RBFOX3: variants seen among roughly 807,000 people sequenced by gnomAD.
RBFOX3 encodes RNA binding protein fox-1 homolog 3.
In RBFOX3, 17 loss-of-function variants were observed where a neutral mutation model predicts 48.7. The observed-to-expected ratio is 0.35, with a 90% CI of 0.24 to 0.52. RBFOX3 has a LOEUF of 0.52. RBFOX3 is among the 20% of genes least tolerant of loss of function. RBFOX3 has a pLI of 0.94. For missense variants in RBFOX3, 382 were observed against 497.5 expected, an observed-to-expected ratio of 0.77 and a Z score of 2.21; for synonymous variants, 212 against 209.5, an observed-to-expected ratio of 1.01 and a Z score of -0.10.
At chr17:79,316,344 T>A (rs2077540067) in intron 2 of RBFOX3, among the ~76,000 whole-genome samples, 1 of 152,116 alleles carries the variant, frequency 6.6e-6, no homozygotes, top group Admixed American at 6.5e-5. Flanking sequence ...CAGGCCAGCA[T>A]GTAGATGGGG....
chr17:79,576,598 T>C (rs1410897707), intron 1 of RBFOX3, among the ~76,000 whole-genome samples: 1 of 150,354 alleles, frequency 6.7e-6, no homozygotes, highest in Non-Finnish European at 1.5e-5. Flanking sequence ...ATGAAGAAGA[T>C]GATGGACAGG....
rs1454130306 is a variant in RBFOX3, at chr17:79,364,739, A to G, written c.-174-56915T>C. Reference sequence around the variant, plus strand: ...TGGGGCTGGGGACCTAGAGGAACACATTATAGCCCATCCAGCACAGCCTCC... The same window carrying G: ...TGGGGCTGGGGACCTAGAGGAACACGTTATAGCCCATCCAGCACAGCCTCC... On this transcript the variant is annotated intron_variant, in intron 2 of 14. Coordinates refer to ENST00000693108, the MANE Select transcript of RBFOX3 (RefSeq NM_001350451.2). The surrounding 1 kb of genome is among the most constrained non-coding windows in gnomAD (Gnocchi z 5.1). Among the ~76,000 whole-genome samples the G allele has an allele frequency of 1.3e-5, 2 of 152,152 alleles. No individual in the cohort carries two copies. Among genetic ancestry groups the G allele is most frequent in the African/African-American group, 2.4e-5 (1 of 41,440 alleles).
intron 1 of RBFOX3, among the ~76,000 whole-genome samples, chr17:79,590,410 G>A (rs1360359037): frequency 1.3e-5 from 2 of 152,218 alleles, no homozygotes; most frequent in South Asian, 2.1e-4. Flanking sequence ...GGATATTCCT[G>A]CAGAGCTGGA....
the RBFOX3 span, among the ~76,000 whole-genome samples, chr17:79,620,242 C>T: frequency 1.5e-4 from 23 of 150,626 alleles, no homozygotes; most frequent in Non-Finnish European, 3.2e-4. Context: ...CGCACATGCA[C>T]ACATACGCAC....
intron 1 of RBFOX3, among the ~76,000 whole-genome samples, chr17:79,585,098 G>GT (rs1421453105): frequency 6.6e-6 from 1 of 152,102 alleles, no homozygotes; most frequent in Non-Finnish European, 1.5e-5. Flanking sequence ...TGGGGAAAGT[G>GT]TGGGGGGTGG....
chr17:79,340,111 G>A (rs34745304), intron 2 of RBFOX3, among the ~76,000 whole-genome samples: 29,139 of 151,820 alleles, frequency 0.19, 3,428 homozygotes, highest in Non-Finnish European at 0.27. Flanking sequence ...CCAGCCTGAC[G>A]AACATGGTGA....
intron 4 of RBFOX3, among the ~76,000 whole-genome samples, chr17:79,121,884 T>G (rs1428239973): frequency 6.6e-6 from 1 of 152,138 alleles, no homozygotes; most frequent in East Asian, 1.9e-4. Context: ...TCCCAAAGTT[T>G]TATCTCCATC....
chr17:79,286,371 G>T (rs1227230694), intron 3 of RBFOX3, among the ~76,000 whole-genome samples: 2 of 152,148 alleles, frequency 1.3e-5, no homozygotes, highest in Non-Finnish European at 2.9e-5. Context: ...TTCTGCCCCA[G>T]AAGTATAGAG....
At chr17:79,136,614 GTT>G (rs2040261452) in intron 4 of RBFOX3, among the ~76,000 whole-genome samples, 1 of 152,170 alleles carries the variant, frequency 6.6e-6, no homozygotes, top group African/African-American at 2.4e-5. Context: ...AGCTCTGTTG[GTT>G]GGCTCAGCCT....
chr17:79,215,947 A>G (rs2058982501), intron 4 of RBFOX3, among the ~76,000 whole-genome samples: 1 of 152,272 alleles, frequency 6.6e-6, no homozygotes, highest in South Asian at 2.1e-4. Context: ...AGTAGAGGTC[A>G]GAGCCAGAGT....
At chr17:79,097,160 G>A (rs2075450361) in intron 11 of RBFOX3, 132 bp downstream of exon 11, 1 of 792,288 alleles carries the variant, frequency 1.3e-6, no homozygotes, top group African/African-American at 1.8e-5. Context: ...GAGTTCTGGG[G>A]CTCCCACGAT....
chr17:79,616,116 C>T, the RBFOX3 span, among the ~76,000 whole-genome samples: 1 of 152,308 alleles, frequency 6.6e-6, no homozygotes, highest in South Asian at 2.1e-4. Context: ...GTGAGGTCCA[C>T]AGATGGCCAG....
intron 4 of RBFOX3, among the ~76,000 whole-genome samples, chr17:79,209,021 G>T (rs1351115639): frequency 6.6e-6 from 1 of 151,766 alleles, no homozygotes; most frequent in Admixed American, 6.6e-5. Context: ...GGGTTTCACC[G>T]TGTTAGCCAG....
rs529310626 is a variant in RBFOX3 at position 79,443,371 on chromosome 17, C to T, written c.-175+39083G>A. 3.9e-5 allele frequency among the ~76,000 whole-genome samples: 6 copies of T among 152,180 alleles called. No individual in the cohort carries two copies. The highest frequency in any genetic ancestry group is 5.9e-5 in the Non-Finnish European group (4 of 68,024). On this transcript the variant is annotated intron_variant, in intron 2 of 14. Coordinates refer to ENST00000693108, the MANE Select transcript of RBFOX3 (RefSeq NM_001350451.2). This position sits in a 1 kb window ranked among gnomAD's most constrained non-coding sequence, Gnocchi z 4.4. ...TTAGACACACACAAATGCACACTCA[C>T]ATACACCCTTGCCTCTTTTTTTTTT...
chr17:79,393,512 G>A (rs1044892657), intron 2 of RBFOX3, among the ~76,000 whole-genome samples: 1 of 152,378 alleles, frequency 6.6e-6, no homozygotes, highest in Middle Eastern at 3.4e-3. Context: ...TCGGCAATCT[G>A]CTCCTGCTCC....
chr17:79,167,208 A>G (rs1305064708), intron 4 of RBFOX3, among the ~76,000 whole-genome samples: 1 of 152,314 alleles, frequency 6.6e-6, no homozygotes, highest in Non-Finnish European at 1.5e-5. Flanking sequence ...TGCCAGGCAC[A>G]TGGCCAAGAA....
intron 2 of RBFOX3, among the ~76,000 whole-genome samples, chr17:79,365,131 A>G (rs1306238193): frequency 4.3e-5 from 5 of 115,106 alleles, no homozygotes; most frequent in Admixed American, 2.4e-4. Flanking sequence ...ATGTGCGCAC[A>G]CACACACACA....
At chr17:79,655,577 G>A in the RBFOX3 span, among the ~76,000 whole-genome samples, 1 of 152,232 alleles carries the variant, frequency 6.6e-6, no homozygotes, top group Non-Finnish European at 1.5e-5. Flanking sequence ...TGAGCCGGCA[G>A]GAGGCCATTG....
intron 4 of RBFOX3, among the ~76,000 whole-genome samples, chr17:79,158,450 G>A (rs1361577144): frequency 6.6e-6 from 1 of 152,170 alleles, no homozygotes; most frequent in Admixed American, 6.5e-5. Flanking sequence ...GGCTGAGCAG[G>A]GGCACTGCAA....
Sources: gnomAD v4.1 joint callset for allele counts (sites outside exome capture counted in the v4.1 genomes callset) on GRCh38, gnomAD v4.1.1 for gene constraint, Gnocchi (gnomAD v3.1) non-coding constraint, MANE v1.5 for transcripts, NCBI Gene and HGNC (gene_info 2026-07-23, HGNC 2026-07-21) for gene names.